RPA1: variants seen among roughly 807,000 people sequenced by gnomAD.
RPA1 encodes the protein replication protein A1.
RPA1 carries 49 observed loss-of-function variants against 83.0 expected under a neutral mutation model. The observed-to-expected ratio is 0.59, with a 90% CI of 0.47 to 0.75. The LOEUF (loss-of-function observed/expected upper bound fraction) is 0.75. Among genes scored for constraint, RPA1 ranks in the 30% least tolerant of loss-of-function variants. The pLI is 0.00. For missense variants in RPA1, 693 were observed against 776.1 expected (o/e 0.89, Z 1.27); for synonymous variants, 279 against 281.8 (o/e 0.99, Z 0.10).
intron 1 of RPA1, among the ~76,000 whole-genome samples, chr17:1,838,603 CAA>C (rs60835355): frequency 0.021 from 2,357 of 110,758 alleles, 27 homozygotes; most frequent in African/African-American, 0.043. Context: ...AACTCAGTCT[CAA>C]AAAAAAAAAA....
chr17:1,879,530 A>G, intron 10 of RPA1, 30 bp from the exon 11 acceptor site: 1 of 1,613,894 alleles, frequency 6.2e-7, no homozygotes, highest in African/African-American at 1.3e-5. Flanking sequence ...AGTCTTGACC[A>G]CCTCCTGCTA....
intron 12 of RPA1, 114 bp downstream of exon 12, chr17:1,880,805 C>T (rs1597452740): frequency 4.3e-6 from 6 of 1,405,868 alleles, no homozygotes; most frequent in South Asian, 2.6e-5. Flanking sequence ...CTGAGTGGTG[C>T]AGCTTCCGTG....
In RPA1 at chr17:1,843,939, C is replaced by T. The variant is rs1286058622; in HGVS notation, c.104C>T (p.Thr35Met). 4.3e-6 allele frequency: 7 copies of T among 1,613,690 alleles called. No homozygotes were observed. The highest frequency in any genetic ancestry group is 1.1e-5 in the South Asian group (1 of 91,054). Residue 35 changes from threonine to methionine, a missense_variant, in exon 3 of 17, where the codon ACG (threonine) becomes ATG (methionine). Coordinates refer to ENST00000254719, the MANE Select transcript of RPA1 (RefSeq NM_002945.5). ...LQVINIRPIT[T>M]GNSPPRYRLL... ...TCCTAGAACATCCGTCCCATTACTA[C>T]GGGGAATAGTCCGCCGCGTTATCGA...
intron 5 of RPA1, among the ~76,000 whole-genome samples, chr17:1,863,401 C>T (rs527290619): frequency 5.3e-5 from 8 of 151,970 alleles, no homozygotes; most frequent in Admixed American, 1.3e-4. Context: ...TTAGTAGAGA[C>T]GGCGTTTCAC....
Position 1,880,658 on chromosome 17 carries a change from C to G in RPA1, c.1208C>G (p.Pro403Arg), listed in dbSNP as rs1447858745. 1 of 1,613,768 alleles carries G rather than the reference C, an allele frequency of 6.2e-7. No homozygotes were observed. The highest frequency in any genetic ancestry group is 8.5e-7 in the Non-Finnish European group (1 of 1,180,026). The change falls in exon 12 of 17, where the codon CCT becomes CGT. Residue 403 changes from proline (P) to arginine (R), a missense_variant. Physicochemically the swap from Pro to Arg is moderately radical, Grantham distance 103 (BLOSUM62 -2). Coordinates refer to ENST00000254719, the MANE Select transcript of RPA1 (RefSeq NM_002945.5). ...VLSSSTIIAN[P>R]DIPEAYKLRG... ...TCTTCAAGCACTATCATTGCGAATCCTGACATCCCAGAGGCCTATAAGCTT... is the reference window on the plus strand; with the variant it reads ...TCTTCAAGCACTATCATTGCGAATCGTGACATCCCAGAGGCCTATAAGCTT...
Position 1,891,257 on chromosome 17 carries a change from T to G in RPA1, c.1552-576T>G, listed in dbSNP as rs543860389. On this transcript the variant is annotated intron_variant, in intron 14 of 16. Coordinates refer to ENST00000254719, the MANE Select transcript of RPA1 (RefSeq NM_002945.5). ...TTGCTCATTTCCTTTGCCAGGTCAA[T>G]TTGGTGACTGACAGAGGCTCACGGG... Among the ~76,000 whole-genome samples, 14 of 152,320 alleles carry G rather than the reference T, an allele frequency of 9.2e-5. No individual in the cohort carries two copies. The South Asian group carries it at 2.9e-3, about 32-fold the overall frequency.
At chr17:1,852,901 A>C (rs980231850) in intron 4 of RPA1, among the ~76,000 whole-genome samples, 200 bp from the exon 5 acceptor site, 1 of 152,232 alleles carries the variant, frequency 6.6e-6, no homozygotes, top group Non-Finnish European at 1.5e-5. Context: ...CTGCATTTTA[A>C]TTAAGGAACT....
At chr17:1,883,436 C>A (rs866734456) in intron 12 of RPA1, among the ~76,000 whole-genome samples, 1 of 152,118 alleles carries the variant, frequency 6.6e-6, no homozygotes, top group African/African-American at 2.4e-5. Flanking sequence ...GCTGGGGTTA[C>A]AGGCATGAGC....
chr17:1,833,490 C>T (rs1039807930), intron 1 of RPA1, among the ~76,000 whole-genome samples: 24 of 152,142 alleles, frequency 1.6e-4, no homozygotes, highest in African/African-American at 5.1e-4. Flanking sequence ...ATGCTGAAAC[C>T]GGGGAAGTGA....
At chr17:1,889,805 G>T (rs970511127) in intron 14 of RPA1, among the ~76,000 whole-genome samples, 4 of 151,922 alleles carry the variant, frequency 2.6e-5, no homozygotes, top group Admixed American at 2.0e-4. Flanking sequence ...TTTGAGACCA[G>T]CCTGGCCAAC....
intron 5 of RPA1, among the ~76,000 whole-genome samples, chr17:1,868,781 A>G (rs927683476): frequency 6.6e-6 from 1 of 152,232 alleles, no homozygotes; most frequent in Non-Finnish European, 1.5e-5. Flanking sequence ...TAGAATTTTC[A>G]AAGTGTGAGA....
chr17:1,859,599 G>A (rs943181913), intron 5 of RPA1, among the ~76,000 whole-genome samples: 3 of 152,036 alleles, frequency 2.0e-5, no homozygotes, highest in African/African-American at 4.8e-5. Context: ...TTTGATATTA[G>A]CATAGCCACT....
At chr17:1,862,235 A>T (rs982034947) in intron 5 of RPA1, among the ~76,000 whole-genome samples, 4 of 112,648 alleles carry the variant, frequency 3.6e-5, no homozygotes, top group Non-Finnish European at 4.9e-5. Flanking sequence ...GATGGAGTCT[A>T]TGTTGTCCAG....
chr17:1,832,601 G>A (rs920977330), intron 1 of RPA1, among the ~76,000 whole-genome samples: 6 of 152,078 alleles, frequency 3.9e-5, no homozygotes, highest in African/African-American at 1.4e-4. Context: ...TGGCCAGGCT[G>A]GTCTCGAACT....
At chr17:1,852,500 C>T (rs556879863) in intron 4 of RPA1, among the ~76,000 whole-genome samples, 1 of 152,152 alleles carries the variant, frequency 6.6e-6, no homozygotes, top group Non-Finnish European at 1.5e-5. Context: ...GAGGGACTGT[C>T]CCATGTGGTG....
chr17:1,883,694 G>A, intron 12 of RPA1, 118 bp from the exon 13 acceptor site: 3 of 1,299,350 alleles, frequency 2.3e-6, no homozygotes, highest in Non-Finnish European at 3.3e-6. Context: ...CGTGACCTGT[G>A]TGAAAGCTGG....
rs775708368 is a variant in RPA1 at position 1,883,888 on chromosome 17, A to G, written c.1318A>G (p.Thr440Ala). The G allele has an allele frequency of 5.0e-6, 8 of 1,614,184 alleles. No individual in the cohort carries two copies. In the Admixed American group the frequency reaches 1.3e-4, roughly 27 times the overall value. The change falls in exon 13 of 17, where the codon ACC becomes GCC. Residue 440 changes from threonine (T) to alanine (A), a missense_variant. Coordinates refer to ENST00000254719, the MANE Select transcript of RPA1 (RefSeq NM_002945.5). The stretch of plus-strand genomic sequence containing the variant: ...GAGCGGCGGAGTCGGAGGGAGTAAC[A>G]CCAACTGGAAAACCTTGTATGAGGT... ...LKSGGVGGSN[T>A]NWKTLYEVKS...
intron 1 of RPA1, among the ~76,000 whole-genome samples, chr17:1,832,249 CT>C (rs749130582): frequency 1.5e-4 from 23 of 151,748 alleles, no homozygotes; most frequent in Non-Finnish European, 2.4e-4. Flanking sequence ...TTTTTTCCCT[CT>C]GCCCACTGCC....
intron 5 of RPA1, among the ~76,000 whole-genome samples, chr17:1,856,823 T>A (rs1912717898): frequency 6.6e-6 from 1 of 151,738 alleles, no homozygotes; most frequent in Non-Finnish European, 1.5e-5. Flanking sequence ...ATATATATAT[T>A]ATATAACATA....
Sources: gnomAD v4.1 joint callset for allele counts (sites outside exome capture counted in the v4.1 genomes callset) on GRCh38, gnomAD v4.1.1 for gene constraint, MANE v1.5 for transcripts, NCBI Gene and HGNC (gene_info 2026-07-23, HGNC 2026-07-21) for gene names.